Variants in NPR3 observed in about 807,000 individuals in gnomAD.
NPR3 encodes natriuretic peptide receptor 3, also known as atrial natriuretic peptide receptor 3.
Under a neutral mutation model 54.5 loss-of-function variants are expected in NPR3, and 34 were observed. That is an observed-to-expected ratio of 0.62 (90% CI 0.47 to 0.83). The LOEUF is 0.83. NPR3 is among the 40% of genes least tolerant of loss of function. NPR3 has a pLI of 0.00. For synonymous variants in NPR3, 289 were observed against 297.1 expected, an observed-to-expected ratio of 0.97 and a Z score of 0.28; for missense variants, 674 against 720.8, an observed-to-expected ratio of 0.94 and a Z score of 0.74.
chr5:32,784,954 C>A, intron 7 of NPR3, 71 bp downstream of exon 7: 1 of 1,249,416 alleles, frequency 8.0e-7, no homozygotes, highest in Non-Finnish European at 1.2e-6. Context: ...ACATGATTCT[C>A]TTTGTGATTT....
At chr5:32,755,016 A>G (rs1239349226) in intron 3 of NPR3, among the ~76,000 whole-genome samples, 1 of 152,034 alleles carries the variant, frequency 6.6e-6, no homozygotes, top group East Asian at 1.9e-4. Flanking sequence ...GCCCGCCACC[A>G]CGCCCCGCTA....
intron 1 of NPR3, among the ~76,000 whole-genome samples, chr5:32,696,132 TG>T (rs775110316): frequency 2.0e-5 from 3 of 152,222 alleles, no homozygotes; most frequent in Non-Finnish European, 2.9e-5. Context: ...CGTGTTTTCT[TG>T]TAGCAGTTTC....
chr5:32,784,816 G>T lies in NPR3; in HGVS notation c.1447G>T (p.Ala483Ser), dbSNP rs1561136058. Reference sequence around the variant, plus strand: ...TCAAGCAGGTGGCCTAGAAGAATCGGCAGTGACAGGAATTGTCGTGGGGGC... The same window carrying T: ...TCAAGCAGGTGGCCTAGAAGAATCGTCAGTGACAGGAATTGTCGTGGGGGC... ...CKSSGGLEES[A>S]VTGIVVGALL... Residue 483 changes from alanine (A) to serine (S), a missense_variant, in exon 7 of 8, where the codon GCA (alanine) becomes TCA (serine). By Grantham distance (99) the Ala-to-Ser change is moderately conservative (BLOSUM62 1). Coordinates refer to ENST00000265074, the MANE Select transcript of NPR3 (RefSeq NM_001204375.2). 6.2e-7 allele frequency: 1 copy of T among 1,613,656 alleles called. No homozygotes were observed. Among genetic ancestry groups the T allele is most frequent in the Admixed American group, 1.7e-5 (1 of 60,014 alleles).
intron 1 of NPR3, among the ~76,000 whole-genome samples, chr5:32,720,634 ACAC>A (rs1738804265): frequency 6.6e-6 from 1 of 152,218 alleles, no homozygotes; most frequent in Non-Finnish European, 1.5e-5. Context: ...AGTTACAGTT[ACAC>A]CATCATTCCC....
intron 1 of NPR3, among the ~76,000 whole-genome samples, chr5:32,718,995 T>G (rs1271178125): frequency 1.3e-5 from 2 of 152,142 alleles, no homozygotes; most frequent in Non-Finnish European, 2.9e-5. Context: ...GGGTTTGTCA[T>G]AAATAGCTCT....
At chr5:32,746,902 C>G (rs894210920) in intron 3 of NPR3, among the ~76,000 whole-genome samples, 5 of 152,162 alleles carry the variant, frequency 3.3e-5, no homozygotes, top group African/African-American at 7.2e-5. Context: ...TTCCTTCCCT[C>G]ATATTGTTGT....
chr5:32,702,694 C>G, intron 1 of NPR3, among the ~76,000 whole-genome samples: 1 of 152,096 alleles, frequency 6.6e-6, no homozygotes. Flanking sequence ...CAAGTCTTTG[C>G]TATTGTGAAT....
At chr5:32,697,291 T>C (rs1452726105) in intron 1 of NPR3, among the ~76,000 whole-genome samples, 1 of 152,198 alleles carries the variant, frequency 6.6e-6, no homozygotes. Flanking sequence ...CTGATTGATT[T>C]GCTTATGTTG....
At chr5:32,756,891 G>A (rs1204429408) in intron 3 of NPR3, among the ~76,000 whole-genome samples, 4 of 152,044 alleles carry the variant, frequency 2.6e-5, no homozygotes, top group Non-Finnish European at 5.9e-5. Flanking sequence ...TTTTGTCAGG[G>A]TTGTCAAAGA....
At chr5:32,694,329 T>A (rs1440269512) in intron 1 of NPR3, among the ~76,000 whole-genome samples, 2 of 152,240 alleles carry the variant, frequency 1.3e-5, no homozygotes, top group Non-Finnish European at 2.9e-5. Context: ...AATTACAACA[T>A]AACAATATTG....
Position 32,782,874 on chromosome 5 carries a change from G to A in NPR3, c.1291-19G>A. On this transcript the variant is annotated intron_variant, in intron 5 of 7. Coordinates refer to ENST00000265074, the MANE Select transcript of NPR3 (RefSeq NM_001204375.2). ...CTTTGACTTTTTGGTTTGTCTATTT[G>A]TTTTTTGCCTCTATATAGGTTATTG... 1 of 1,585,068 alleles carries A rather than the reference G, an allele frequency of 6.3e-7. No individual in the cohort carries two copies. Among genetic ancestry groups the A allele is most frequent in the Non-Finnish European group, 8.6e-7 (1 of 1,167,720 alleles).
chr5:32,765,425 GGAGT>G (rs1204024348), intron 3 of NPR3, among the ~76,000 whole-genome samples: 1 of 152,126 alleles, frequency 6.6e-6, no homozygotes, highest in Non-Finnish European at 1.5e-5. Flanking sequence ...AACATTAGTG[GGAGT>G]GAGTGAGAGA....
chr5:32,733,259 A>G (rs1432588797), intron 2 of NPR3, among the ~76,000 whole-genome samples: 1 of 152,232 alleles, frequency 6.6e-6, no homozygotes. Flanking sequence ...AGCACTCAAA[A>G]AAAGATTCTC....
rs59768157 is a variant in NPR3 at position 32,789,366 on chromosome 5, G to T, written c.*3021G>T. ...CAATCTGGAAAGAATTTTTTGTATA[G>T]AGTCCATCTCTCCCTCAAGACTGAC... On this transcript the variant is annotated 3_prime_UTR_variant, in exon 8 of 8. Transcript: ENST00000265074. 533 of 456,608 alleles carry T rather than the reference G, an allele frequency of 1.2e-3. 5 individuals are homozygous for T. Among genetic ancestry groups the T allele is most frequent in the African/African-American group, 0.01 (496 of 48,962 alleles). The allele number at this position is 456,608 out of a possible 1,614,324, so 28.3% of individuals were successfully genotyped here.
intron 3 of NPR3, among the ~76,000 whole-genome samples, chr5:32,755,700 G>T (rs1740799309): frequency 6.6e-6 from 1 of 152,180 alleles, no homozygotes; most frequent in Non-Finnish European, 1.5e-5. Context: ...GGTTTGGAAA[G>T]ATCTGTGTCT....
chr5:32,763,395 T>C (rs1164821481), intron 3 of NPR3, among the ~76,000 whole-genome samples: 2 of 152,098 alleles, frequency 1.3e-5, no homozygotes, highest in Admixed American at 1.3e-4. Context: ...GCAGTGCAGC[T>C]CACTGCAACC....
chr5:32,782,459 C>G (rs1032675057), intron 5 of NPR3, among the ~76,000 whole-genome samples: 1 of 152,076 alleles, frequency 6.6e-6, no homozygotes, highest in African/African-American at 2.4e-5. Context: ...AAGCAAAAGC[C>G]GGGAATTCCG....
chr5:32,726,531 G>A (rs696833), intron 2 of NPR3, among the ~76,000 whole-genome samples: 59,779 of 151,914 alleles, frequency 0.39, 12,933 homozygotes, highest in African/African-American at 0.58. Flanking sequence ...TCATTGAAAT[G>A]GTGGTAGAAA....
Position 32,739,015 on chromosome 5 carries a change from C to T in NPR3, c.1044C>T (p.Leu348=), listed in dbSNP as rs151246481. 29 of 1,613,814 alleles carry T rather than the reference C, an allele frequency of 1.8e-5. No individual in the cohort carries two copies. The Admixed American group carries it at 4.3e-4, about 24-fold the overall frequency. ...EVKSSVEKQG[L]NMEDYVNMFV... is the part of the protein sequence containing the mutation. ...AAAGTTCAGTTGAGAAACAAGGGCT[C>T]AATATGGAGGATTACGTAAGTGCCT... Residue 348 remains leucine (L), a synonymous_variant, in exon 3 of 8, where the codon CTC becomes CTT. Transcript: ENST00000265074.
Sources: allele counts gnomAD v4.1 joint callset (sites outside exome capture counted in the v4.1 genomes callset), GRCh38; gene constraint gnomAD v4.1.1; transcripts MANE v1.5; gene names NCBI Gene and HGNC (gene_info 2026-07-23, HGNC 2026-07-21).